CRYBG2: variants seen among roughly 807,000 people sequenced by gnomAD.
CRYBG2 encodes beta/gamma crystallin domain-containing protein 2.
CRYBG2 carries 106 observed loss-of-function variants against 153.4 expected under a neutral mutation model. The ratio of observed to expected loss-of-function variants is 0.69; its 90% CI spans 0.59 to 0.81. CRYBG2 has a LOEUF of 0.81. Among genes scored for constraint, CRYBG2 ranks in the 30% least tolerant of loss-of-function variants. The pLI is 0.00. For synonymous variants in CRYBG2, 851 were observed against 877.8 expected (o/e 0.97, Z 0.54); for missense variants, 1,996 against 2,112.0 (o/e 0.95, Z 1.08).
rs1463323567 is a variant in CRYBG2, at chr1:26,343,127, GCC to G, written c.2992_2993del (p.Gly998GlnfsTer11). ...VIFFSESGCQ[G>X]SGREVWGDIV... is the part of the protein sequence containing the mutation. ...TGTCTCCCCAGACCTCCCTGCCACT[GCC>G]TTGGCAGCCAGACTCTGAGAAGAAG... is the stretch of plus-strand genomic sequence containing the variant. On this transcript the variant is annotated frameshift_variant, in exon 4 of 20. Transcript: ENST00000308182. LOFTEE classifies it high-confidence loss of function. This position sits in a 1 kb window ranked among gnomAD's most constrained non-coding sequence, Gnocchi z 4.1. The G allele has an allele frequency of 1.5e-5, 24 of 1,550,422 alleles. No homozygotes were observed. The highest frequency in any genetic ancestry group is 2.0e-5 in the Non-Finnish European group (23 of 1,146,974).
chr1:26,345,319 C>G lies in CRYBG2; in HGVS notation c.1339G>C (p.Val447Leu). The change falls in exon 2 of 20, where the codon GTT becomes CTT. Residue 447 changes from valine to leucine, a missense_variant. Val to Leu is a conservative substitution (Grantham distance 32). Transcript: ENST00000308182. ...ACAGGGACATTTTCAGAGTTCTGAA[C>G]AAACTTATTCCTTGGGGACGATGGA... is the stretch of plus-strand genomic sequence containing the variant. ...SAPSSPRNKF[V>L]QNSENVPVLP... is the part of the protein sequence containing the mutation. 1 of 1,613,586 alleles carries G rather than the reference C, an allele frequency of 6.2e-7. No individual in the cohort carries two copies. The highest frequency in any genetic ancestry group is 8.5e-7 in the Non-Finnish European group (1 of 1,179,886).
Position 26,345,353 on chromosome 1 carries a change from A to G in CRYBG2, c.1305T>C (p.Gly435=). 1 of 1,612,538 alleles carries G rather than the reference A, an allele frequency of 6.2e-7. No homozygotes were observed. The highest frequency in any genetic ancestry group is 1.1e-5 in the South Asian group (1 of 90,992). The change falls in exon 2 of 20, where the codon GGT becomes GGC. Residue 435 remains glycine, a synonymous_variant. Coordinates refer to ENST00000308182, the MANE Select transcript of CRYBG2 (RefSeq NM_001039775.4). ...TCCTTGGGGACGATGGAGCAGAAAG[A>G]CCTCCTGGGCTGGGGACATCCTTCC... ...TRRKDVPSPG[G]LSAPSSPRNK... is the part of the protein sequence containing the mutation.
chr1:26,328,689 T>A (rs1008881071), intron 16 of CRYBG2, 45 bp downstream of exon 16: 2 of 1,585,088 alleles, frequency 1.3e-6, no homozygotes, highest in Admixed American at 3.6e-5. Flanking sequence ...CCATGACTCA[T>A]CCCCACCAGC....
Position 26,344,344 on chromosome 1 carries a change from G to T in CRYBG2, c.2314C>A (p.Arg772=), listed in dbSNP as rs754288326. ...AGGATCTCAGGGGGCTCCATGCTCCGCAGCGTATCCAGGAATATCTCCAGG... is the reference window on the plus strand; with the variant it reads ...AGGATCTCAGGGGGCTCCATGCTCCTCAGCGTATCCAGGAATATCTCCAGG... ...ADLEIFLDTL[R]SMEPPEILRT... Residue 772 remains arginine (R), a synonymous_variant, in exon 2 of 20, where the codon CGG becomes AGG. Coordinates refer to ENST00000308182, the MANE Select transcript of CRYBG2 (RefSeq NM_001039775.4). 1.3e-6 allele frequency: 2 copies of T among 1,503,924 alleles called. No individual in the cohort carries two copies. The highest frequency in any genetic ancestry group is 1.8e-6 in the Non-Finnish European group (2 of 1,123,870). The allele number at this position is 1,503,924 out of a possible 1,614,324, so 93.2% of individuals were successfully genotyped here. A position where few individuals can be genotyped will look rare whatever the true frequency, so the allele number is the denominator to read the frequency against.
At chr1:26,331,998 T>C (rs2074001839) in intron 14 of CRYBG2, among the ~76,000 whole-genome samples, 1 of 152,130 alleles carries the variant, frequency 6.6e-6, no homozygotes, top group East Asian at 1.9e-4. Flanking sequence ...CAATAGGGGA[T>C]TGGAGCTGAA....
chr1:26,351,063 G>A (rs1390497928), intron 1 of CRYBG2, among the ~76,000 whole-genome samples: 1 of 152,166 alleles, frequency 6.6e-6, no homozygotes, highest in Non-Finnish European at 1.5e-5. Flanking sequence ...TCAGGGACAG[G>A]GTCCAAGGGG....
chr1:26,332,656 G>A (rs1464412957), intron 14 of CRYBG2, among the ~76,000 whole-genome samples: 5 of 151,776 alleles, frequency 3.3e-5, no homozygotes, highest in African/African-American at 1.2e-4. Context: ...ACAGGCATGC[G>A]CCACCACACC....
In CRYBG2 at chr1:26,336,221, G is replaced by A. The variant is rs2074052564; in HGVS notation, c.4072-14C>T. 3 of 1,563,008 alleles carry A rather than the reference G, an allele frequency of 1.9e-6. No homozygotes were observed. Among genetic ancestry groups the A allele is most frequent in the Non-Finnish European group, 2.6e-6 (3 of 1,151,530 alleles). On this transcript the variant is annotated splice_polypyrimidine_tract_variant and intron_variant, in intron 13 of 19. Transcript: ENST00000308182. This position sits in a 1 kb window ranked among gnomAD's most constrained non-coding sequence, Gnocchi z 4.9. ...GAAAAGCTGAATCTGGAGGCAGAGAGGGGAGATGAGGGGAAGGAGGACGAT... is the reference window on the plus strand; with the variant it reads ...GAAAAGCTGAATCTGGAGGCAGAGAAGGGAGATGAGGGGAAGGAGGACGAT...
At chr1:26,337,450 C>T (rs2074075700) in intron 9 of CRYBG2, 71 bp from the exon 10 acceptor site, 31 of 1,599,862 alleles carry the variant, frequency 1.9e-5, no homozygotes, top group South Asian at 6.7e-5. Context: ...GACAGCTGTC[C>T]CCACCCCTAC....
At position 26,343,341 on chromosome 1, in the gene CRYBG2, T is replaced by C. The variant is rs1011515630; in HGVS notation, c.2914-48A>G. 1 of 1,541,708 alleles carries C rather than the reference T, an allele frequency of 6.5e-7. No homozygotes were observed. The highest frequency in any genetic ancestry group is 8.8e-7 in the Non-Finnish European group (1 of 1,139,322). On this transcript the variant is annotated intron_variant, in intron 2 of 19. Coordinates refer to ENST00000308182, the MANE Select transcript of CRYBG2 (RefSeq NM_001039775.4). The surrounding 1 kb of genome is among the most constrained non-coding windows in gnomAD (Gnocchi z 4.1). ...AGAAGTCCTGTGGGGTCACCTCTTTTCTGCCTCCCCACAACCCGCCATTCC... is the reference window on the plus strand; with the variant it reads ...AGAAGTCCTGTGGGGTCACCTCTTTCCTGCCTCCCCACAACCCGCCATTCC...
intron 5 of CRYBG2, among the ~76,000 whole-genome samples, chr1:26,340,575 G>A (rs769429133): frequency 1.3e-5 from 2 of 152,114 alleles, no homozygotes; most frequent in Non-Finnish European, 2.9e-5. Flanking sequence ...ACAAACATTT[G>A]TGTGTTTCTG....
At position 26,336,783 on chromosome 1, in the gene CRYBG2, C is replaced by T. The variant is rs2074063816; in HGVS notation, c.3912-51G>A. The T allele has an allele frequency of 6.4e-7, 1 of 1,564,026 alleles. No individual in the cohort carries two copies. ...AGCTGGGACGGAGCCTGCACCTCTC[C>T]TGGAACCGCCCCCGGCTCGCCCGGG... On this transcript the variant is annotated intron_variant, in intron 11 of 19. Coordinates refer to ENST00000308182, the MANE Select transcript of CRYBG2 (RefSeq NM_001039775.4). This position sits in a 1 kb window ranked among gnomAD's most constrained non-coding sequence, Gnocchi z 4.9.
chr1:26,325,754 C>A lies in CRYBG2; in HGVS notation c.4579-1444G>T, dbSNP rs1359504095. ...ATACACACAGAGCCCATGGCCTTAC[C>A]ATTTATCTGCACATGTGCATTAATG... On this transcript the variant is annotated intron_variant, in intron 17 of 19. Transcript: ENST00000308182. This position sits in a 1 kb window ranked among gnomAD's most constrained non-coding sequence, Gnocchi z 4.1. Among the ~76,000 whole-genome samples the A allele has an allele frequency of 6.6e-6, 1 of 152,046 alleles. No individual in the cohort carries two copies. The highest frequency in any genetic ancestry group is 2.4e-5 in the African/African-American group (1 of 41,416).
chr1:26,333,002 C>T lies in CRYBG2; in HGVS notation c.4185-1384G>A, dbSNP rs1219877543. Reference sequence around the variant, plus strand: ...AACAACAAAAAAGCCAGTGGATGAACACACCAAACCCCAAAAAAAAAAAAA... The same window carrying T: ...AACAACAAAAAAGCCAGTGGATGAATACACCAAACCCCAAAAAAAAAAAAA... On this transcript the variant is annotated intron_variant, in intron 14 of 19. Coordinates refer to ENST00000308182, the MANE Select transcript of CRYBG2 (RefSeq NM_001039775.4). Among the ~76,000 whole-genome samples, 3 of 29,106 alleles carry T rather than the reference C, an allele frequency of 1.0e-4. No individual in the cohort carries two copies. The Admixed American group carries it at 1.3e-3, about 13-fold the overall frequency. 19.1% of individuals were successfully genotyped at this position (29,106 alleles called of 152,430 possible).
At chr1:26,338,889 C>T (rs2074094254) in intron 6 of CRYBG2, among the ~76,000 whole-genome samples, 1 of 152,186 alleles carries the variant, frequency 6.6e-6, no homozygotes, top group Non-Finnish European at 1.5e-5. Context: ...GTGCTATTCC[C>T]TCTGCCAGAT....
intron 1 of CRYBG2, among the ~76,000 whole-genome samples, chr1:26,348,650 G>C (rs2074252886): frequency 1.3e-5 from 2 of 152,012 alleles, no homozygotes; most frequent in South Asian, 4.1e-4. Flanking sequence ...CCTCCTCCCA[G>C]GTTCAAGCGA....
chr1:26,345,209 C>T lies in CRYBG2; in HGVS notation c.1449G>A (p.Gly483=). The T allele has an allele frequency of 2.0e-6, 3 of 1,478,630 alleles. No individual in the cohort carries two copies. Among genetic ancestry groups the T allele is most frequent in the Non-Finnish European group, 2.7e-6 (3 of 1,092,414 alleles). The allele number at this position is 1,478,630 out of a possible 1,614,324, so 91.6% of individuals were successfully genotyped here. The part of the protein sequence containing the change: ...SSPTRKEVVQ[G]SSASAASSPT... ...GGGACGAGGCAGCAGAAGCACTGGA[C>T]CCCTGCACCACCTCCTTCCGGGTGG... is the stretch of plus-strand genomic sequence containing the variant. Residue 483 remains glycine (G), a synonymous_variant, in exon 2 of 20, where the codon GGG becomes GGA. Transcript: ENST00000308182.
chr1:26,331,812 C>T (rs944803213), intron 14 of CRYBG2, among the ~76,000 whole-genome samples, 194 bp from the exon 15 acceptor site: 1 of 152,196 alleles, frequency 6.6e-6, no homozygotes, highest in African/African-American at 2.4e-5. Context: ...CATACTGCCC[C>T]TATGGAGGGG....
rs865807697 is a variant in CRYBG2 at position 26,327,489 on chromosome 1, A to C, written c.4578+720T>G. 2.2e-3 allele frequency among the ~76,000 whole-genome samples: 338 copies of C among 151,730 alleles called. 1 individual carries two copies. Among genetic ancestry groups the C allele is most frequent in the African/African-American group, 7.7e-3 (319 of 41,398 alleles). On this transcript the variant is annotated intron_variant, in intron 17 of 19. Transcript: ENST00000308182. ...TCTCAAAAAACAAAAAACAAAAAAAAAAACCAAAAATTAGCCAGATGTGGT... is the reference window on the plus strand; with the variant it reads ...TCTCAAAAAACAAAAAACAAAAAAACAAACCAAAAATTAGCCAGATGTGGT...
Sources: gnomAD v4.1 joint callset for allele counts (sites outside exome capture counted in the v4.1 genomes callset) on GRCh38, gnomAD v4.1.1 for gene constraint, Gnocchi (gnomAD v3.1) non-coding constraint, MANE v1.5 for transcripts, NCBI Gene and HGNC (gene_info 2026-07-23, HGNC 2026-07-21) for gene names.